ZSCAN1: variants seen among roughly 807,000 people sequenced by gnomAD.
ZSCAN1 encodes zinc finger and SCAN domain-containing protein 1.
A neutral mutation model predicts 23.8 loss-of-function variants in ZSCAN1; 23 were observed. That is an observed-to-expected ratio of 0.97 (90% CI 0.70 to 1.37). ZSCAN1 has a LOEUF of 1.37. Among genes scored for constraint, ZSCAN1 ranks in the 40% most tolerant of loss-of-function variants. The pLI, the probability that ZSCAN1 is intolerant of heterozygous loss-of-function variation, is 0.00. For synonymous variants in ZSCAN1, 236 were observed against 232.3 expected (o/e 1.02, Z -0.15); for missense variants, 575 against 554.0 (o/e 1.04, Z -0.38).
intron 4 of ZSCAN1, among the ~76,000 whole-genome samples, chr19:58,041,330 G>T (rs1568602892): frequency 6.6e-6 from 1 of 152,220 alleles, no homozygotes; most frequent in Non-Finnish European, 1.5e-5. Flanking sequence ...TCCTAGAGGG[G>T]TCCTGACCTA....
chr19:58,054,174 G>A lies in ZSCAN1; in HGVS notation c.*123G>A. The A allele has an allele frequency of 3.1e-6, 4 of 1,298,118 alleles. No homozygotes were observed. The highest frequency in any genetic ancestry group is 4.1e-6 in the Non-Finnish European group (4 of 979,862). 80.4% of individuals were successfully genotyped at this position (1,298,118 alleles called of 1,614,324 possible). ...TGGCCACCTTGGGACTCCTCTTGAA[G>A]GACACAAGCTGTTTCTCGGAAGACC... On this transcript the variant is annotated 3_prime_UTR_variant, in exon 6 of 6. Coordinates refer to ENST00000282326, the MANE Select transcript of ZSCAN1 (RefSeq NM_182572.4). This position sits in a 1 kb window ranked among gnomAD's most constrained non-coding sequence, Gnocchi z 4.2.
rs141107504 is a variant in ZSCAN1 at position 58,053,100 on chromosome 19, C to T, written c.605-329C>T. ...TCACCCTCCTGAGTAGCTGGGATTA[C>T]AGGCGCACACCACCACGCCCAGCTA... On this transcript the variant is annotated intron_variant, in intron 5 of 5. Transcript: ENST00000282326. The surrounding 1 kb of genome is among the most constrained non-coding windows in gnomAD (Gnocchi z 5.8). Among the ~76,000 whole-genome samples, 2 of 152,144 alleles carry T rather than the reference C, an allele frequency of 1.3e-5. No individual in the cohort carries two copies. Among genetic ancestry groups the T allele is most frequent in the East Asian group, 1.9e-4 (1 of 5,178 alleles).
At chr19:58,034,942 A>C (rs1216214271) in intron 1 of ZSCAN1, among the ~76,000 whole-genome samples, 1 of 151,672 alleles carries the variant, frequency 6.6e-6, no homozygotes, top group Admixed American at 6.6e-5. Flanking sequence ...TGACTGGCGC[A>C]GTGAACACGT....
chr19:58,045,768 G>T lies in ZSCAN1; in HGVS notation c.465+5224G>T. 1.3e-6 allele frequency: 2 copies of T among 1,546,134 alleles called. No homozygotes were observed. Among genetic ancestry groups the T allele is most frequent in the Non-Finnish European group, 1.8e-6 (2 of 1,119,096 alleles). On this transcript the variant is annotated intron_variant, in intron 4 of 5. Coordinates refer to ENST00000282326, the MANE Select transcript of ZSCAN1 (RefSeq NM_182572.4). This position sits in a 1 kb window ranked among gnomAD's most constrained non-coding sequence, Gnocchi z 4.3. ...ACCTGAGGGGCCAGCTGAAGCAGTG[G>T]CTGGACCTGCACCTGCATCAGGAGA...
At position 58,034,078 on chromosome 19, in the gene ZSCAN1, G is replaced by T. The variant is rs1020330308; in HGVS notation, c.-235G>T. 2.6e-5 allele frequency: 4 copies of T among 151,606 alleles called. No homozygotes were observed. The highest frequency in any genetic ancestry group is 7.3e-5 in the African/African-American group (3 of 41,338). 9.4% of individuals were successfully genotyped at this position (151,606 alleles called of 1,614,324 possible). On this transcript the variant is annotated 5_prime_UTR_variant, in exon 1 of 6. Coordinates refer to ENST00000282326, the MANE Select transcript of ZSCAN1 (RefSeq NM_182572.4). ...CGCGGCGCGCAGGGTGCGGGGATGG[G>T]GTCCGCCCGCGGCGTTGGGCGCGCT...
At position 58,053,460 on chromosome 19, in the gene ZSCAN1, T is replaced by G. The variant is rs1033010292; in HGVS notation, c.636T>G (p.Ser212Arg). 8.1e-6 allele frequency: 13 copies of G among 1,611,980 alleles called. No homozygotes were observed. Among genetic ancestry groups the G allele is most frequent in the East Asian group, 4.5e-5 (2 of 44,806 alleles). Reference protein sequence around the residue: ...GSRARLPLKPSIWDEPEDLLA... With the variant: ...GSRARLPLKPRIWDEPEDLLA... The stretch of plus-strand genomic sequence containing the variant: ...GGGCCCGCTTGCCTCTGAAGCCGAG[T>G]ATCTGGGACGAGCCTGAGGACCTTC... The change falls in exon 6 of 6, where the codon AGT becomes AGG. Residue 212 changes from serine to arginine, a missense_variant. By Grantham distance (110) the Ser-to-Arg change is moderately radical. Transcript: ENST00000282326. The surrounding 1 kb of genome is among the most constrained non-coding windows in gnomAD (Gnocchi z 5.8).
chr19:58,039,374 GCTCT>G (rs1225136809), intron 3 of ZSCAN1, among the ~76,000 whole-genome samples: 13 of 152,140 alleles, frequency 8.5e-5, no homozygotes, highest in African/African-American at 2.9e-4. Context: ...TGAGCAAAGG[GCTCT>G]CTATCTGTCT....
chr19:58,036,515 C>CTTTTTTTTTTTTT (rs66483587), intron 2 of ZSCAN1, among the ~76,000 whole-genome samples: 1 of 93,436 alleles, frequency 1.1e-5, no homozygotes. Context: ...TTTTTCTTTT[C>CTTTTTTTTTTTTT]TTTTTTTTTT....
At chr19:58,044,852 C>A (rs1295773362) in intron 4 of ZSCAN1, 3 of 766,950 alleles carry the variant, frequency 3.9e-6, no homozygotes, top group Non-Finnish European at 7.0e-6. Context: ...GCGCCATGGA[C>A]CTCCACCTCT....
chr19:58,040,521 A>G lies in ZSCAN1; in HGVS notation c.442A>G (p.Arg148Gly). ...FGEEEDGKSP[R>G]SQKEPSQASE... ...TGAGGAGGAAGATGGGAAGAGTCCA[A>G]GGTCCCAGAAAGAACCATCGCAGGT... The change falls in exon 4 of 6, where the codon AGG becomes GGG. Residue 148 changes from arginine to glycine, a missense_variant. Arg to Gly is a moderately radical substitution (Grantham distance 125). Transcript: ENST00000282326. This position sits in a 1 kb window ranked among gnomAD's most constrained non-coding sequence, Gnocchi z 5.8. 1.9e-6 allele frequency: 3 copies of G among 1,613,510 alleles called. No individual in the cohort carries two copies. The highest frequency in any genetic ancestry group is 1.6e-4 in the Middle Eastern group (1 of 6,062).
chr19:58,040,832 T>C lies in ZSCAN1; in HGVS notation c.465+288T>C, dbSNP rs918084813. ...CTCGCAGTTAAGACCCATCCTCCTGTGTCACCCGCACCAGATGCTGCGTGT... is the reference window on the plus strand; with the variant it reads ...CTCGCAGTTAAGACCCATCCTCCTGCGTCACCCGCACCAGATGCTGCGTGT... On this transcript the variant is annotated intron_variant, in intron 4 of 5. Transcript: ENST00000282326. This position sits in a 1 kb window ranked among gnomAD's most constrained non-coding sequence, Gnocchi z 5.8. Among the ~76,000 whole-genome samples, 2 of 152,192 alleles carry C rather than the reference T, an allele frequency of 1.3e-5. No homozygotes were observed. The highest frequency in any genetic ancestry group is 6.5e-5 in the Admixed American group (1 of 15,276).
At chr19:58,046,533 GAAGC>G in intron 4 of ZSCAN1, 1 of 918,194 alleles carries the variant, frequency 1.1e-6, no homozygotes, top group Non-Finnish European at 1.8e-6. Flanking sequence ...TCAACGCCAT[GAAGC>G]AAGTCAAGCA....
In ZSCAN1 at chr19:58,047,811, G is replaced by A. The variant is rs1176278306; in HGVS notation, c.466-4679G>A. On this transcript the variant is annotated intron_variant, in intron 4 of 5. Transcript: ENST00000282326. This position sits in a 1 kb window ranked among gnomAD's most constrained non-coding sequence, Gnocchi z 4.9. ...CCCTGGGGCTTCAAGGGCAACACCC[G>A]CAGTGCTTAGGGTTTACCCTGTGCC... Among the ~76,000 whole-genome samples, 6 of 152,300 alleles carry A rather than the reference G, an allele frequency of 3.9e-5. 1 individual carries two copies. Among genetic ancestry groups the A allele is most frequent in the South Asian group, 4.1e-4 (2 of 4,830 alleles).
chr19:58,055,970 G>A (rs2073887652), downstream of ZSCAN1, among the ~76,000 whole-genome samples: 1 of 152,192 alleles, frequency 6.6e-6, no homozygotes, highest in South Asian at 2.1e-4. Flanking sequence ...CCCCTCTGGG[G>A]TTCCCACTCC....
chr19:58,037,514 C>T (rs1251193974), intron 2 of ZSCAN1, among the ~76,000 whole-genome samples: 3 of 152,020 alleles, frequency 2.0e-5, no homozygotes, highest in East Asian at 1.9e-4. Flanking sequence ...GGTGGGATGG[C>T]AGGTGCAAAG....
At chr19:58,036,215 T>C (rs889517784) in intron 2 of ZSCAN1, among the ~76,000 whole-genome samples, 1 of 152,182 alleles carries the variant, frequency 6.6e-6, no homozygotes, top group African/African-American at 2.4e-5. Flanking sequence ...GGGGAGGTAG[T>C]TGATCCCACC....
Position 58,037,961 on chromosome 19 carries a change from G to T in ZSCAN1, c.125G>T (p.Arg42Leu). Residue 42 changes from arginine (R) to leucine (L), a missense_variant, in exon 3 of 6, where the codon CGG becomes CTG. Transcript: ENST00000282326. ...ACCGAAGCCCAGCGTCTGCGCTTCC[G>T]GCAGTTCCAGTACCACGTGGCGAGC... ...RDTEAQRLRF[R>L]QFQYHVASGP... 6 of 1,605,128 alleles carry T rather than the reference G, an allele frequency of 3.7e-6. No homozygotes were observed. The highest frequency in any genetic ancestry group is 5.1e-6 in the Non-Finnish European group (6 of 1,179,314).
intron 4 of ZSCAN1, among the ~76,000 whole-genome samples, chr19:58,051,781 G>A (rs1249947007): frequency 6.6e-6 from 1 of 152,174 alleles, no homozygotes; most frequent in African/African-American, 2.4e-5. Flanking sequence ...CTCTGGGCAC[G>A]TAGCACCCAC....
intron 4 of ZSCAN1, among the ~76,000 whole-genome samples, chr19:58,051,463 C>T (rs990733663): frequency 6.7e-6 from 1 of 150,360 alleles, no homozygotes; most frequent in Non-Finnish European, 1.5e-5. Context: ...CTGCCATCAG[C>T]TCCCTCCCTC....
Sources: allele counts gnomAD v4.1 joint callset (sites outside exome capture counted in the v4.1 genomes callset), GRCh38; gene constraint gnomAD v4.1.1; non-coding constraint Gnocchi (gnomAD v3.1); transcripts MANE v1.5; gene names NCBI Gene and HGNC (gene_info 2026-07-23, HGNC 2026-07-21).